The following PLGRKT variants were observed in gnomAD, a reference collection of about 807,000 sequenced individuals.
PLGRKT encodes plasminogen receptor with a C-terminal lysine, also known as plasminogen receptor (KT).
In PLGRKT, 22 loss-of-function variants were observed where a neutral mutation model predicts 18.5. The observed-to-expected ratio is 1.19, with a 90% confidence interval of 0.85 to 1.70. The LOEUF (loss-of-function observed/expected upper bound fraction) is 1.70. Ranked by LOEUF, PLGRKT falls within the 40% of genes most tolerant of loss-of-function variation. The probability of loss-of-function intolerance (pLI) is 0.00; values close to 1 mark genes in which losing one functional copy is unlikely to be tolerated. For synonymous variants in PLGRKT, 72 were observed against 52.8 expected (o/e 1.36, Z -1.58); for missense variants, 235 against 174.4 (o/e 1.35, Z -1.96).
At chr9:5,367,828 C>G (rs1224662210) in intron 3 of PLGRKT, among the ~76,000 whole-genome samples, 1 of 151,932 alleles carries the variant, frequency 6.6e-6, no homozygotes. Context: ...AAAATATTTG[C>G]AAATTATATA....
At chr9:5,392,970 T>C (rs989033489) in intron 3 of PLGRKT, among the ~76,000 whole-genome samples, 2 of 151,456 alleles carry the variant, frequency 1.3e-5, no homozygotes, top group African/African-American at 4.9e-5. Flanking sequence ...GCCTCCCGAG[T>C]AGCTGTGATT....
At chr9:5,400,234 C>T (rs575388772) in intron 3 of PLGRKT, among the ~76,000 whole-genome samples, 3 of 151,810 alleles carry the variant, frequency 2.0e-5, no homozygotes, top group Non-Finnish European at 4.4e-5. Context: ...AGGAAAATTA[C>T]GCATAATCCC....
At position 5,361,806 on chromosome 9, in the gene PLGRKT, T is replaced by G. The variant is rs200934073; in HGVS notation, c.164A>C (p.Lys55Thr). The stretch of plus-strand genomic sequence containing the variant: ...AAGGCCAAAAAAAGTTCCAAAATAT[T>G]TGAGGAATTCCCGAGACCACGCAAT... ...MQIAWSREFL[K>T]YFGTFFGLAA... The change falls in exon 4 of 6, where the codon AAA (lysine) becomes ACA (threonine). Residue 55 changes from lysine (K) to threonine (T), a missense_variant. Transcript: ENST00000223864. The G allele has an allele frequency of 3.1e-6, 5 of 1,613,484 alleles. No individual in the cohort carries two copies. The highest frequency in any genetic ancestry group is 1.7e-4 in the Middle Eastern group (1 of 6,060).
chr9:5,431,784 A>G, intron 3 of PLGRKT, 113 bp downstream of exon 3: 2 of 619,978 alleles, frequency 3.2e-6, no homozygotes, highest in Admixed American at 5.7e-5. Flanking sequence ...TTAAGGATGC[A>G]GCCCAAAGAA....
At chr9:5,413,331 G>T (rs1291144686) in intron 3 of PLGRKT, among the ~76,000 whole-genome samples, 1 of 152,160 alleles carries the variant, frequency 6.6e-6, no homozygotes, top group Admixed American at 6.5e-5. Context: ...AGAATAATGG[G>T]ACCTCAGAGA....
chr9:5,434,634 C>T (rs1818921918), intron 2 of PLGRKT, among the ~76,000 whole-genome samples: 1 of 150,976 alleles, frequency 6.6e-6, no homozygotes, highest in African/African-American at 2.4e-5. Context: ...TGCCTGGCCA[C>T]CCATCATCTG....
At chr9:5,395,826 A>C (rs7865007) in intron 3 of PLGRKT, among the ~76,000 whole-genome samples, 37,706 of 148,662 alleles carry the variant, frequency 0.25, 5,292 homozygotes, top group African/African-American at 0.34. Flanking sequence ...AAAAAGGTGG[A>C]TTTTTTTTAT....
intron 2 of PLGRKT, among the ~76,000 whole-genome samples, chr9:5,435,979 G>C (rs1333029690): frequency 6.6e-6 from 1 of 152,206 alleles, no homozygotes; most frequent in Non-Finnish European, 1.5e-5. Context: ...GCCAGAGTCA[G>C]CTTCAAAGCT....
At chr9:5,398,373 A>C (rs996170437) in intron 3 of PLGRKT, among the ~76,000 whole-genome samples, 2 of 151,962 alleles carry the variant, frequency 1.3e-5, no homozygotes, top group African/African-American at 4.9e-5. Flanking sequence ...TGAACTACAT[A>C]AAAACAATGA....
At chr9:5,400,708 T>C (rs1458835696) in intron 3 of PLGRKT, among the ~76,000 whole-genome samples, 2 of 152,154 alleles carry the variant, frequency 1.3e-5, no homozygotes, top group Non-Finnish European at 2.9e-5. Flanking sequence ...CCTCCTTGAA[T>C]AGTACAGAGG....
chr9:5,372,329 C>T (rs989954353), intron 3 of PLGRKT, among the ~76,000 whole-genome samples: 1 of 152,082 alleles, frequency 6.6e-6, no homozygotes, highest in Non-Finnish European at 1.5e-5. Flanking sequence ...ACCATGTGCA[C>T]AGTATATGCA....
intron 3 of PLGRKT, among the ~76,000 whole-genome samples, chr9:5,408,838 C>A (rs1381371825): frequency 1.3e-5 from 2 of 152,250 alleles, no homozygotes; most frequent in Non-Finnish European, 2.9e-5. Context: ...GGACACTGTT[C>A]CCCCACATCA....
intron 3 of PLGRKT, among the ~76,000 whole-genome samples, chr9:5,415,738 A>C (rs1218975318): frequency 6.6e-6 from 1 of 152,174 alleles, no homozygotes; most frequent in Non-Finnish European, 1.5e-5. Context: ...TCTCAATCTA[A>C]TCATGAGAAA....
intron 3 of PLGRKT, chr9:5,382,155 A>T (rs1198729219): frequency 3.1e-6 from 1 of 323,168 alleles, no homozygotes; most frequent in Non-Finnish European, 4.5e-6. Flanking sequence ...TCATTCCCTC[A>T]CTTGCCATCC....
chr9:5,395,176 G>C (rs1395918456), intron 3 of PLGRKT, among the ~76,000 whole-genome samples: 1 of 151,534 alleles, frequency 6.6e-6, no homozygotes, highest in Admixed American at 6.6e-5. Context: ...TATATTATTG[G>C]GGTTTTACAA....
intron 3 of PLGRKT, among the ~76,000 whole-genome samples, chr9:5,376,686 G>A (rs1817634324): frequency 6.6e-6 from 1 of 152,028 alleles, no homozygotes. Flanking sequence ...GTCCTGATGT[G>A]GAAAATTCTG....
intron 3 of PLGRKT, among the ~76,000 whole-genome samples, chr9:5,415,000 G>A (rs772641757): frequency 6.6e-6 from 1 of 152,150 alleles, no homozygotes; most frequent in Middle Eastern, 3.2e-3. Context: ...TTGCTAAGAG[G>A]ACAATCATCA....
rs141576701 is a variant in PLGRKT at position 5,404,292 on chromosome 9, C to T, written c.81+27605G>A. ...TCATTCTATGAGGACAGCATCATCC[C>T]GATACCAAAACCTGGCAGAGATGCA... On this transcript the variant is annotated intron_variant, in intron 3 of 5. Coordinates refer to ENST00000223864, the MANE Select transcript of PLGRKT (RefSeq NM_018465.4). 6.9e-3 allele frequency among the ~76,000 whole-genome samples: 1,055 copies of T among 152,206 alleles called. 16 individuals are homozygous for T. Among genetic ancestry groups the T allele is most frequent in the African/African-American group, 0.023 (969 of 41,532 alleles).
At chr9:5,399,365 C>G (rs1185168191) in intron 3 of PLGRKT, among the ~76,000 whole-genome samples, 3 of 151,830 alleles carry the variant, frequency 2.0e-5, no homozygotes, top group East Asian at 3.9e-4. Flanking sequence ...AAACAAAATC[C>G]TTGCCATTAT....
Sources: gnomAD v4.1 joint callset for allele counts (sites outside exome capture counted in the v4.1 genomes callset) on GRCh38, gnomAD v4.1.1 for gene constraint, MANE v1.5 for transcripts, NCBI Gene and HGNC (gene_info 2026-07-23, HGNC 2026-07-21) for gene names.